CEACAM5: variants seen among roughly 807,000 people sequenced by gnomAD.
CEACAM5 encodes the protein CEA cell adhesion molecule 5.
A neutral mutation model predicts 63.0 loss-of-function variants in CEACAM5; 52 were observed. That is an observed-to-expected ratio of 0.83 (90% CI 0.66 to 1.04). CEACAM5 has a LOEUF of 1.04. Ranked by LOEUF, CEACAM5 falls within the 50% of genes least tolerant of loss-of-function variation. The pLI is 0.00. For synonymous variants in CEACAM5, 357 were observed against 351.3 expected, an observed-to-expected ratio of 1.02 and a Z score of -0.18; for missense variants, 790 against 864.8, an observed-to-expected ratio of 0.91 and a Z score of 1.08.
At chr19:41,709,022 G>A (rs544761106) in intron 1 of CEACAM5, among the ~76,000 whole-genome samples, 9 of 152,192 alleles carry the variant, frequency 5.9e-5, no homozygotes, top group African/African-American at 9.7e-5. Flanking sequence ...TGGCCACTAC[G>A]TTTTTAAAAA....
At chr19:41,718,418 G>A (rs2072563878) in intron 6 of CEACAM5, 36 bp downstream of exon 6, 12 of 1,603,770 alleles carry the variant, frequency 7.5e-6, no homozygotes, top group African/African-American at 1.3e-5. Context: ...AATATGTTCT[G>A]GAGCGGAATC....
Position 41,721,088 on chromosome 19 carries a change from G to A in CEACAM5, c.1938G>A (p.Thr646=), listed in dbSNP as rs144920263. 1.4e-5 allele frequency: 23 copies of A among 1,614,162 alleles called. No homozygotes were observed. The highest frequency in any genetic ancestry group is 3.3e-5 in the South Asian group (3 of 91,088). ...HTQVLFIAKI[T]PNNNGTYACF... ...AAGTTCTCTTTATCGCCAAAATCAC[G>A]CCAAATAATAACGGGACCTATGCCT... Residue 646 remains threonine (T), a synonymous_variant, in exon 8 of 10, where the codon ACG becomes ACA. Transcript: ENST00000221992.
Position 41,715,700 on chromosome 19 carries a change from G to A in CEACAM5, c.754G>A (p.Gly252Arg). The change falls in exon 4 of 10, where the codon GGG becomes AGG. Residue 252 changes from glycine to arginine, a missense_variant. Physicochemically the swap from Gly to Arg is moderately radical, Grantham distance 125. Transcript: ENST00000221992. Reference sequence around the variant, plus strand: ...CCCTCTAAACACATCTTACAGATCAGGGGAAAATCTGAACCTCTCCTGCCA... The same window carrying A: ...CCCTCTAAACACATCTTACAGATCAAGGGAAAATCTGAACCTCTCCTGCCA... ...ISPLNTSYRS[G>R]ENLNLSCHAA... 5 of 1,614,146 alleles carry A rather than the reference G, an allele frequency of 3.1e-6. No individual in the cohort carries two copies. The African/African-American group carries it at 5.3e-5, about 17-fold the overall frequency.
At chr19:41,714,757 G>C (rs77950622) in intron 2 of CEACAM5, among the ~76,000 whole-genome samples, 1 of 152,148 alleles carries the variant, frequency 6.6e-6, no homozygotes, top group Non-Finnish European at 1.5e-5. Context: ...ATTCACACTT[G>C]AGAAAGTCTG....
chr19:41,723,965 T>G (rs2122834959), intron 8 of CEACAM5, among the ~76,000 whole-genome samples: 1 of 147,890 alleles, frequency 6.8e-6, no homozygotes, highest in African/African-American at 2.5e-5. Context: ...AAAAAAAAAG[T>G]TTTTAATTTT....
intron 9 of CEACAM5, among the ~76,000 whole-genome samples, 199 bp downstream of exon 9, chr19:41,727,551 T>A (rs1555817290): frequency 6.6e-6 from 1 of 152,190 alleles, no homozygotes; most frequent in Non-Finnish European, 1.5e-5. Flanking sequence ...GTCTCTTAGA[T>A]ATAATTATCC....
chr19:41,723,695 C>A (rs1555816638), intron 8 of CEACAM5, among the ~76,000 whole-genome samples: 1 of 151,936 alleles, frequency 6.6e-6, no homozygotes, highest in East Asian at 1.9e-4. Context: ...TTCCTGTAAT[C>A]CCAGCACTTT....
chr19:41,727,437 T>C, intron 9 of CEACAM5, 85 bp downstream of exon 9: 5 of 728,380 alleles, frequency 6.9e-6, no homozygotes, highest in Admixed American at 2.3e-5. Context: ...TCTTCACCTG[T>C]ATCTGGGACT....
chr19:41,722,341 G>A (rs1600474269), intron 8 of CEACAM5, among the ~76,000 whole-genome samples: 1 of 142,000 alleles, frequency 7.0e-6, no homozygotes, highest in Non-Finnish European at 1.5e-5. Context: ...TCCAGCCTGG[G>A]TGACAGAGTG....
At chr19:41,709,298 G>A (rs1209609101) in intron 1 of CEACAM5, among the ~76,000 whole-genome samples, 2 of 152,190 alleles carry the variant, frequency 1.3e-5, no homozygotes, top group African/African-American at 4.8e-5. Flanking sequence ...TGTGAGGTCA[G>A]GTGTTGACAA....
chr19:41,719,673 C>A (rs983264444), intron 6 of CEACAM5, among the ~76,000 whole-genome samples: 4 of 152,226 alleles, frequency 2.6e-5, no homozygotes, highest in African/African-American at 9.6e-5. Context: ...ACTCCCAGTC[C>A]TGGGTCTGTC....
In CEACAM5 at chr19:41,709,866, T is replaced by C. The variant is rs782622659; in HGVS notation, c.251T>C (p.Ile84Thr). The change falls in exon 2 of 10, where the codon ATA becomes ACA. Residue 84 changes from isoleucine to threonine, a missense_variant. Coordinates refer to ENST00000221992, the MANE Select transcript of CEACAM5 (RefSeq NM_004363.6). Reference protein sequence around the residue: ...DGNRQIIGYVIGTQQATPGPA... With the variant: ...DGNRQIIGYVTGTQQATPGPA... ...AACCGTCAAATTATAGGATATGTAA[T>C]AGGAACTCAACAAGCTACCCCAGGG... 6.2e-7 allele frequency: 1 copy of C among 1,613,622 alleles called. No homozygotes were observed. The highest frequency in any genetic ancestry group is 1.7e-5 in the Admixed American group (1 of 60,000).
chr19:41,713,711 T>C (rs937222025), intron 2 of CEACAM5, among the ~76,000 whole-genome samples: 6 of 152,224 alleles, frequency 3.9e-5, no homozygotes, highest in Non-Finnish European at 7.3e-5. Flanking sequence ...TTTAGCATAA[T>C]GTCCAATGGG....
intron 8 of CEACAM5, among the ~76,000 whole-genome samples, chr19:41,725,351 C>T (rs1177042967): frequency 6.6e-6 from 1 of 151,012 alleles, no homozygotes; most frequent in African/African-American, 2.4e-5. Flanking sequence ...GCAATATCTC[C>T]ATTTTCTTTT....
At chr19:41,713,521 T>C (rs1353933219) in intron 2 of CEACAM5, among the ~76,000 whole-genome samples, 1 of 152,096 alleles carries the variant, frequency 6.6e-6, no homozygotes, top group Non-Finnish European at 1.5e-5. Context: ...GAACAGCAGA[T>C]CCCTAGAACC....
In CEACAM5 at chr19:41,715,719, C is replaced by G; in HGVS notation, c.773C>G (p.Ser258Cys). The change falls in exon 4 of 10, where the codon TCC (serine) becomes TGC (cysteine). Residue 258 changes from serine (S) to cysteine (C), a missense_variant. Physicochemically the swap from Ser to Cys is moderately radical, Grantham distance 112. Transcript: ENST00000221992. ...AGATCAGGGGAAAATCTGAACCTCT[C>G]CTGCCACGCAGCCTCTAACCCACCT... ...SYRSGENLNL[S>C]CHAASNPPAQ... 1 of 1,614,194 alleles carries G rather than the reference C, an allele frequency of 6.2e-7. No individual in the cohort carries two copies. Among genetic ancestry groups the G allele is most frequent in the Non-Finnish European group, 8.5e-7 (1 of 1,180,042 alleles).
At position 41,709,992 on chromosome 19, in the gene CEACAM5, A is replaced by T. The variant is rs1555813778; in HGVS notation, c.377A>T (p.Lys126Met). 1 of 1,612,070 alleles carries T rather than the reference A, an allele frequency of 6.2e-7. No homozygotes were observed. Among genetic ancestry groups the T allele is most frequent in the South Asian group, 1.1e-5 (1 of 90,906 alleles). ...DTGFYTLHVI[K>M]SDLVNEEATG... ...GGATTCTACACCCTACACGTCATAA[A>T]GTCAGATCTTGTGAATGAAGAAGCA... Residue 126 changes from lysine to methionine, a missense_variant, in exon 2 of 10, where the codon AAG (lysine) becomes ATG (methionine). Physicochemically the swap from Lys to Met is moderately conservative, Grantham distance 95. Coordinates refer to ENST00000221992, the MANE Select transcript of CEACAM5 (RefSeq NM_004363.6).
At chr19:41,727,163 C>T in intron 8 of CEACAM5, 71 bp from the exon 9 acceptor site, 1 of 1,137,730 alleles carries the variant, frequency 8.8e-7, no homozygotes. Flanking sequence ...AGAGCTGGAA[C>T]CTGGGGCACC....
intron 2 of CEACAM5, among the ~76,000 whole-genome samples, chr19:41,712,704 A>G (rs2072454771): frequency 6.6e-6 from 1 of 152,206 alleles, no homozygotes; most frequent in Admixed American, 6.5e-5. Context: ...GCATAATGTG[A>G]TCACTTTGGA....
Sources: allele counts gnomAD v4.1 joint callset (sites outside exome capture counted in the v4.1 genomes callset), GRCh38; gene constraint gnomAD v4.1.1; transcripts MANE v1.5; gene names NCBI Gene and HGNC (gene_info 2026-07-23, HGNC 2026-07-21).